Variants in MRGBP observed in about 807,000 individuals in gnomAD.
The protein encoded by MRGBP is MRG/MORF4L-binding protein.
Under a neutral mutation model 21.5 loss-of-function variants are expected in MRGBP, and 5 were observed. The ratio of observed to expected loss-of-function variants is 0.23; its 90% confidence interval spans 0.12 to 0.49. The LOEUF is 0.49. MRGBP is among the 20% of genes least tolerant of loss of function. The pLI is 0.98. For synonymous variants in MRGBP, 118 were observed against 104.4 expected (o/e 1.13, Z -0.79); for missense variants, 227 against 277.4 (o/e 0.82, Z 1.29).
intron 1 of MRGBP, 32 bp downstream of exon 1, chr20:62,796,703 G>A: frequency 7.9e-7 from 1 of 1,258,568 alleles, no homozygotes; most frequent in South Asian, 2.3e-5. Context: ...GCGCGTGGGG[G>A]CGGGGCGGGC....
At position 62,796,588 on chromosome 20, in the gene MRGBP, C is replaced by G; in HGVS notation, c.65C>G (p.Thr22Ser). The change falls in exon 1 of 5, where the codon ACC (threonine) becomes AGC (serine). Residue 22 changes from threonine to serine, a missense_variant. Coordinates refer to ENST00000370487, the MANE Select transcript of MRGBP (RefSeq NM_018270.6). ...GACAAGGGCCCGGGGGAGGCGGCCA[C>G]CAGCCCGGCGGAGGAGACAGTGGTG... ...AGDKGPGEAA[T>S]SPAEETVVWS... is the part of the protein sequence containing the mutation. 2 of 1,274,232 alleles carry G rather than the reference C, an allele frequency of 1.6e-6. No homozygotes were observed. Among genetic ancestry groups the G allele is most frequent in the Non-Finnish European group, 2.0e-6 (2 of 1,006,230 alleles). The allele number at this position is 1,274,232 out of a possible 1,614,324, so 78.9% of individuals were successfully genotyped here. A position where few individuals can be genotyped will look rare whatever the true frequency, so the allele number is the denominator to read the frequency against.
chr20:62,799,725 C>T lies in MRGBP; in HGVS notation c.*82C>T. The T allele has an allele frequency of 6.9e-7, 1 of 1,445,562 alleles. No homozygotes were observed. The allele number at this position is 1,445,562 out of a possible 1,614,324, so 89.5% of individuals were successfully genotyped here. A position where few individuals can be genotyped will look rare whatever the true frequency, so the allele number is the denominator to read the frequency against. ...GTTGGCTGGGTCTGAGTGCCACCCCCCAGGCCACAGTGATACCATCCCAGT... is the reference window on the plus strand; with the variant it reads ...GTTGGCTGGGTCTGAGTGCCACCCCTCAGGCCACAGTGATACCATCCCAGT... On this transcript the variant is annotated 3_prime_UTR_variant, in exon 5 of 5. Coordinates refer to ENST00000370487, the MANE Select transcript of MRGBP (RefSeq NM_018270.6).
At position 62,799,775 on chromosome 20, in the gene MRGBP, T is replaced by C. The variant is rs1990417825; in HGVS notation, c.*132T>C. Reference sequence around the variant, plus strand: ...TGCCATGAGCCCACACTGCCCGCCCTCAGGCTCTCAGGTGAACGTGGCCGT... The same window carrying C: ...TGCCATGAGCCCACACTGCCCGCCCCCAGGCTCTCAGGTGAACGTGGCCGT... On this transcript the variant is annotated 3_prime_UTR_variant, in exon 5 of 5. Coordinates refer to ENST00000370487, the MANE Select transcript of MRGBP (RefSeq NM_018270.6). 2.0e-6 allele frequency: 2 copies of C among 980,782 alleles called. No individual in the cohort carries two copies. Among genetic ancestry groups the C allele is most frequent in the Non-Finnish European group, 2.9e-6 (2 of 682,768 alleles). The allele number at this position is 980,782 out of a possible 1,614,324, so 60.8% of individuals were successfully genotyped here.
rs765596005 is a variant in MRGBP at position 62,797,153 on chromosome 20, C to G, written c.192C>G (p.Phe64Leu). ...HFHMICIRDK[F>L]SQNIGRQVPS... is the part of the protein sequence containing the mutation. ...ACATGATTTGTATTCGGGACAAGTT[C>G]AGCCAGAACATCGGGCGGCAGGTCC... The change falls in exon 2 of 5, where the codon TTC becomes TTG. Residue 64 changes from phenylalanine to leucine, a missense_variant. Phe to Leu is a conservative substitution (Grantham distance 22, BLOSUM62 0). Coordinates refer to ENST00000370487, the MANE Select transcript of MRGBP (RefSeq NM_018270.6). 1 of 1,607,546 alleles carries G rather than the reference C, an allele frequency of 6.2e-7. No individual in the cohort carries two copies.
At position 62,801,251 on chromosome 20, in the gene MRGBP, C is replaced by T. The variant is rs1007010299; in HGVS notation, c.*1608C>T. 1.3e-5 allele frequency: 2 copies of T among 152,224 alleles called. No homozygotes were observed. The highest frequency in any genetic ancestry group is 4.8e-5 in the African/African-American group (2 of 41,442). The allele number at this position is 152,224 out of a possible 1,614,324, so 9.4% of individuals were successfully genotyped here. A position where few individuals can be genotyped will look rare whatever the true frequency, so the allele number is the denominator to read the frequency against. ...GGTAGAGCAGCTGCCTGGGGGGACC[C>T]TGTGGGTCCCTTTTCTATAGAGCCG... On this transcript the variant is annotated 3_prime_UTR_variant, in exon 5 of 5. Transcript: ENST00000370487.
At chr20:62,797,080 C>G (rs774123913) in intron 1 of MRGBP, 30 bp from the exon 2 acceptor site, 41 of 1,576,354 alleles carry the variant, frequency 2.6e-5, no homozygotes, top group Non-Finnish European at 3.5e-5. Flanking sequence ...CACCGCTCAC[C>G]GGTTATCCCG....
chr20:62,796,488 C>G lies in MRGBP; in HGVS notation c.-36C>G, dbSNP rs1045998818. The G allele has an allele frequency of 6.5e-5, 72 of 1,111,694 alleles. No homozygotes were observed. The highest frequency in any genetic ancestry group is 6.5e-5 in the Non-Finnish European group (59 of 911,052). 68.9% of individuals were successfully genotyped at this position (1,111,694 alleles called of 1,614,324 possible). A position where few individuals can be genotyped will look rare whatever the true frequency, so the allele number is the denominator to read the frequency against. ...CGCGGAGCTCGTGGCCGCGCCTGCTCCCGCCGGGGGCTCCTTGCTCGGCCG... is the reference window on the plus strand; with the variant it reads ...CGCGGAGCTCGTGGCCGCGCCTGCTGCCGCCGGGGGCTCCTTGCTCGGCCG... On this transcript the variant is annotated 5_prime_UTR_variant, in exon 1 of 5. Coordinates refer to ENST00000370487, the MANE Select transcript of MRGBP (RefSeq NM_018270.6).
At chr20:62,798,188 G>A (rs973782947) in intron 2 of MRGBP, among the ~76,000 whole-genome samples, 4 of 152,186 alleles carry the variant, frequency 2.6e-5, no homozygotes, top group Non-Finnish European at 5.9e-5. Context: ...TTTCCCCAGG[G>A]CTGTCACTGT....
rs751195392 is a variant in MRGBP at position 62,799,535 on chromosome 20, G to A, written c.507G>A (p.Gly169=). 6.8e-6 allele frequency: 11 copies of A among 1,613,932 alleles called. No homozygotes were observed. Among genetic ancestry groups the A allele is most frequent in the Non-Finnish European group, 6.8e-6 (8 of 1,180,012 alleles). ...AAGAGAAGAACTCCTCAGACTTGGG[G>A]TGCAAAGAAGGCGCAGACAAGCGGA... The part of the protein sequence containing the change: ...KDKEKNSSDL[G]CKEGADKRKR... The change falls in exon 5 of 5, where the codon GGG becomes GGA. Residue 169 remains glycine (G), a synonymous_variant. Transcript: ENST00000370487.
At position 62,799,803 on chromosome 20, in the gene MRGBP, G is replaced by C. The variant is rs956700730; in HGVS notation, c.*160G>C. The C allele has an allele frequency of 5.3e-6, 4 of 747,854 alleles. No individual in the cohort carries two copies. The African/African-American group carries it at 7.1e-5, about 13-fold the overall frequency. 46.3% of individuals were successfully genotyped at this position (747,854 alleles called of 1,614,324 possible). A position where few individuals can be genotyped will look rare whatever the true frequency, so the allele number is the denominator to read the frequency against. Reference sequence around the variant, plus strand: ...GGCTCTCAGGTGAACGTGGCCGTCAGCGGGGAAACGTGTGTGTCAGTTGGA... The same window carrying C: ...GGCTCTCAGGTGAACGTGGCCGTCACCGGGGAAACGTGTGTGTCAGTTGGA... On this transcript the variant is annotated 3_prime_UTR_variant, in exon 5 of 5. Coordinates refer to ENST00000370487, the MANE Select transcript of MRGBP (RefSeq NM_018270.6).
In MRGBP at chr20:62,798,933, C is replaced by G. The variant is rs774604957; in HGVS notation, c.353-42C>G. 1.9e-6 allele frequency: 3 copies of G among 1,612,470 alleles called. No homozygotes were observed. The Admixed American group carries it at 5.0e-5, about 27-fold the overall frequency. ...CCTGACCATCCCCCAGCGTCGGCCA[C>G]CACCGTGGGTTTTCGGTGAGCGTCA... On this transcript the variant is annotated intron_variant, in intron 3 of 4. Coordinates refer to ENST00000370487, the MANE Select transcript of MRGBP (RefSeq NM_018270.6).
Position 62,801,452 on chromosome 20 carries a change from C to G in MRGBP, c.*1809C>G, listed in dbSNP as rs1990462449. The G allele has an allele frequency of 6.6e-6, 1 of 152,348 alleles. No individual in the cohort carries two copies. Among genetic ancestry groups the G allele is most frequent in the African/African-American group, 2.4e-5 (1 of 41,470 alleles). 9.4% of individuals were successfully genotyped at this position (152,348 alleles called of 1,614,324 possible). A position where few individuals can be genotyped will look rare whatever the true frequency, so the allele number is the denominator to read the frequency against. ...TCCCTTTGCTGCCCAAGTGTGCCCC[C>G]TTGCCCGTCTGATCTCTCCTGTTAG... On this transcript the variant is annotated 3_prime_UTR_variant, in exon 5 of 5. Coordinates refer to ENST00000370487, the MANE Select transcript of MRGBP (RefSeq NM_018270.6).
In MRGBP at chr20:62,798,679, G is replaced by T. The variant is rs1456386752; in HGVS notation, c.352+11G>T. 6.2e-7 allele frequency: 1 copy of T among 1,613,370 alleles called. No individual in the cohort carries two copies. The highest frequency in any genetic ancestry group is 8.5e-7 in the Non-Finnish European group (1 of 1,179,604). On this transcript the variant is annotated intron_variant, in intron 3 of 4. Coordinates refer to ENST00000370487, the MANE Select transcript of MRGBP (RefSeq NM_018270.6). Reference sequence around the variant, plus strand: ...AGGAGGTCCGAGAAGGTGAGGCTCGGGAAAGGTTGGGCTTGGGATTCAGAA... The same window carrying T: ...AGGAGGTCCGAGAAGGTGAGGCTCGTGAAAGGTTGGGCTTGGGATTCAGAA...
chr20:62,800,117 C>T lies in MRGBP; in HGVS notation c.*474C>T, dbSNP rs748971060. 29 of 154,254 alleles carry T rather than the reference C, an allele frequency of 1.9e-4. No individual in the cohort carries two copies. The highest frequency in any genetic ancestry group is 2.7e-4 in the Non-Finnish European group (19 of 69,338). The allele number at this position is 154,254 out of a possible 1,614,324, so 9.6% of individuals were successfully genotyped here. On this transcript the variant is annotated 3_prime_UTR_variant, in exon 5 of 5. Coordinates refer to ENST00000370487, the MANE Select transcript of MRGBP (RefSeq NM_018270.6). ...CTCAGTTCTTTCCATCTGTTTGTCC[C>T]GCTGCAAGCCTCTTTCTGCGCTGAC...
At chr20:62,798,800 G>T (rs1990391788) in intron 3 of MRGBP, 132 bp downstream of exon 3, 1 of 1,576,170 alleles carries the variant, frequency 6.3e-7, no homozygotes, top group Non-Finnish European at 8.6e-7. Context: ...CCCTACCTGT[G>T]CTTGGGTGGT....
chr20:62,800,493 G>A lies in MRGBP; in HGVS notation c.*850G>A, dbSNP rs1243724157. 6.6e-6 allele frequency: 1 copy of A among 152,338 alleles called. No homozygotes were observed. Among genetic ancestry groups the A allele is most frequent in the Non-Finnish European group, 1.5e-5 (1 of 68,014 alleles). The allele number at this position is 152,338 out of a possible 1,614,324, so 9.4% of individuals were successfully genotyped here. The stretch of plus-strand genomic sequence containing the variant: ...AAACAGACCAAATGGATGAGAGGCG[G>A]GGACCGTGCAGCTGTCGGCTGATGA... On this transcript the variant is annotated 3_prime_UTR_variant, in exon 5 of 5. Transcript: ENST00000370487.
At chr20:62,798,189 C>T (rs974932071) in intron 2 of MRGBP, among the ~76,000 whole-genome samples, 3 of 152,224 alleles carry the variant, frequency 2.0e-5, no homozygotes, top group South Asian at 4.1e-4. Flanking sequence ...TTCCCCAGGG[C>T]TGTCACTGTG....
At chr20:62,797,883 G>A (rs527666402) in intron 2 of MRGBP, among the ~76,000 whole-genome samples, 1 of 152,144 alleles carries the variant, frequency 6.6e-6, no homozygotes, top group Non-Finnish European at 1.5e-5. Context: ...GGGTCCAGGA[G>A]CTCAAAGAAG....
chr20:62,799,181 G>A lies in MRGBP; in HGVS notation c.427+132G>A, dbSNP rs2147175665. The A allele has an allele frequency of 4.2e-6, 4 of 961,398 alleles. No homozygotes were observed. The South Asian group carries it at 6.5e-5, about 16-fold the overall frequency. The allele number at this position is 961,398 out of a possible 1,614,324, so 59.6% of individuals were successfully genotyped here. A position where few individuals can be genotyped will look rare whatever the true frequency, so the allele number is the denominator to read the frequency against. ...CCCCAGGCAGGTCATCTAGGCACAG[G>A]ATGGATCCTGCAGTGCCCCCTCCCC... On this transcript the variant is annotated intron_variant, in intron 4 of 4. Coordinates refer to ENST00000370487, the MANE Select transcript of MRGBP (RefSeq NM_018270.6).
Sources: allele counts gnomAD v4.1 joint callset (sites outside exome capture counted in the v4.1 genomes callset), GRCh38; gene constraint gnomAD v4.1.1; transcripts MANE v1.5; gene names NCBI Gene and HGNC (gene_info 2026-07-23, HGNC 2026-07-21).